Variants in SETD3 observed in about 807,000 individuals in gnomAD.
SETD3 encodes the protein actin-histidine N-methyltransferase.
In SETD3, 19 loss-of-function variants were observed where a neutral mutation model predicts 63.0. That is an observed-to-expected ratio of 0.30 (90% confidence interval 0.21 to 0.44). The LOEUF is 0.44. Ranked by LOEUF, SETD3 falls within the 20% of genes least tolerant of loss-of-function variation. SETD3 has a pLI of 1.00. For missense variants in SETD3, 587 were observed against 728.5 expected (o/e 0.81, Z 2.24); for synonymous variants, 286 against 264.1 (o/e 1.08, Z -0.80).
In SETD3 at chr14:99,480,808, TGGCGGCGGTGGC is replaced by T. The variant is rs1469712405; in HGVS notation, c.-101_-90del. On this transcript the variant is annotated 5_prime_UTR_variant, in exon 1 of 13. Coordinates refer to ENST00000331768, the MANE Select transcript of SETD3 (RefSeq NM_032233.3). ...TCCGCCTCAACCAACCCCCAGGCGG[TGGCGGCGGTGGC>T]GGCGGCGGCGGCCGGACGGGAGGGG... 3 of 161,754 alleles carry T rather than the reference TGGCGGCGGTGGC, an allele frequency of 1.9e-5. No individual in the cohort carries two copies. Among genetic ancestry groups the T allele is most frequent in the African/African-American group, 4.8e-5 (2 of 41,292 alleles). 10.0% of individuals were successfully genotyped at this position (161,754 alleles called of 1,614,324 possible).
chr14:99,441,931 T>TG (rs776785760), intron 6 of SETD3, among the ~76,000 whole-genome samples: 16 of 152,194 alleles, frequency 1.1e-4, no homozygotes, highest in Non-Finnish European at 1.8e-4. Context: ...GACTGGGTGA[T>TG]GGAGTCGTGG....
Position 99,405,369 on chromosome 14 carries a change from A to T in SETD3, c.927T>A (p.Ile309=). Residue 309 remains isoleucine, a splice_region_variant and synonymous_variant, in exon 10 of 13, where the codon ATT becomes ATA. Coordinates refer to ENST00000331768, the MANE Select transcript of SETD3 (RefSeq NM_032233.3). The part of the protein sequence containing the change: ...ALQDFRAGEQ[I]YIFYGTRSNA... ...TGGATCGAGTGCCATAAAAAATGTA[A>T]ATCTGAGATGCAGTAAAGAAAAAAG... The T allele has an allele frequency of 6.2e-7, 1 of 1,610,478 alleles. No homozygotes were observed. Among genetic ancestry groups the T allele is most frequent in the South Asian group, 1.1e-5 (1 of 90,230 alleles).
At chr14:99,481,595 C>T (rs971557249), upstream of SETD3, 50 of 395,670 alleles carry the variant, frequency 1.3e-4, no homozygotes, top group African/African-American at 8.2e-4. Flanking sequence ...CCGGATTCTG[C>T]CTCCCTCCGC....
At position 99,398,555 on chromosome 14, in the gene SETD3, A is replaced by T. The variant is rs1024910579; in HGVS notation, c.*124T>A. 3 of 933,514 alleles carry T rather than the reference A, an allele frequency of 3.2e-6. No homozygotes were observed. In the Admixed American group the frequency reaches 7.6e-5, roughly 24 times the overall value. The allele number at this position is 933,514 out of a possible 1,614,324, so 57.8% of individuals were successfully genotyped here. On this transcript the variant is annotated 3_prime_UTR_variant, in exon 13 of 13. Coordinates refer to ENST00000331768, the MANE Select transcript of SETD3 (RefSeq NM_032233.3). ...TAACTTAAAAAAACCATTTTTATAT[A>T]AAGCAGCAAAAACATATCTTCCTCT...
upstream of SETD3, among the ~76,000 whole-genome samples, chr14:99,483,068 G>A (rs1472826906): frequency 1.3e-5 from 2 of 152,220 alleles, no homozygotes; most frequent in Non-Finnish European, 2.9e-5. Flanking sequence ...AATCCTAAAA[G>A]TACAGTTAAT....
intron 11 of SETD3, among the ~76,000 whole-genome samples, chr14:99,402,723 C>T (rs1362281432): frequency 3.3e-5 from 5 of 152,186 alleles, no homozygotes; most frequent in East Asian, 1.9e-4. Flanking sequence ...ACTAGAGGCA[C>T]GTGCTACCAC....
At chr14:99,407,241 T>C (rs1278724099) in intron 8 of SETD3, among the ~76,000 whole-genome samples, 1 of 152,176 alleles carries the variant, frequency 6.6e-6, no homozygotes, top group African/African-American at 2.4e-5. Flanking sequence ...GAAAATCCTC[T>C]CATTATACCC....
chr14:99,477,306 G>A (rs1335068604), intron 1 of SETD3, among the ~76,000 whole-genome samples: 1 of 152,040 alleles, frequency 6.6e-6, no homozygotes, highest in African/African-American at 2.4e-5. Flanking sequence ...TTTTTATCTC[G>A]TTTTTACAGT....
At chr14:99,401,350 G>C (rs548595239) in intron 11 of SETD3, among the ~76,000 whole-genome samples, 38 of 152,174 alleles carry the variant, frequency 2.5e-4, no homozygotes, top group Non-Finnish European at 4.9e-4. Context: ...TCCTATTCAT[G>C]CTGAAGAAAC....
At chr14:99,446,829 G>A (rs1269525875) in intron 6 of SETD3, among the ~76,000 whole-genome samples, 1 of 151,956 alleles carries the variant, frequency 6.6e-6, no homozygotes, top group Non-Finnish European at 1.5e-5. Context: ...GCAGATGCTG[G>A]GGTCTGACCT....
At chr14:99,407,271 A>T (rs1891732535) in intron 8 of SETD3, among the ~76,000 whole-genome samples, 1 of 152,042 alleles carries the variant, frequency 6.6e-6, no homozygotes, top group Non-Finnish European at 1.5e-5. Flanking sequence ...GTCTCCTTCT[A>T]AGCTCCCCCG....
chr14:99,420,947 C>CGGG (rs559807226), intron 6 of SETD3, among the ~76,000 whole-genome samples: 5 of 7,384 alleles, frequency 6.8e-4, no homozygotes, highest in Non-Finnish European at 2.0e-3. Context: ...CAGGCGAGGG[C>CGGG]GGGGGGGGGG....
In SETD3 at chr14:99,461,171, A is replaced by C. The variant is rs775757189; in HGVS notation, c.345+21T>G. On this transcript the variant is annotated intron_variant, in intron 4 of 12. Transcript: ENST00000331768. The stretch of plus-strand genomic sequence containing the variant: ...AGTTCAAACACATAGACCCCTTGAG[A>C]CCAACATTTTATAAACTCACCTTGA... The C allele has an allele frequency of 5.6e-6, 9 of 1,613,274 alleles. No homozygotes were observed. The South Asian group carries it at 9.9e-5, about 18-fold the overall frequency.
intron 6 of SETD3, among the ~76,000 whole-genome samples, chr14:99,440,666 A>G (rs1419120838): frequency 6.6e-6 from 1 of 151,970 alleles, no homozygotes; most frequent in African/African-American, 2.4e-5. Flanking sequence ...GAAAGAGGGC[A>G]TAGGGTGCAC....
intron 6 of SETD3, among the ~76,000 whole-genome samples, chr14:99,447,075 G>A (rs886612820): frequency 3.3e-5 from 5 of 151,816 alleles, no homozygotes; most frequent in Non-Finnish European, 5.9e-5. Context: ...GGGTTCAAGC[G>A]ATTCTCATGC....
intron 7 of SETD3, 97 bp from the exon 8 acceptor site, chr14:99,413,162 A>C: frequency 1.5e-6 from 1 of 669,398 alleles, no homozygotes; most frequent in South Asian, 1.9e-5. Flanking sequence ...ATCTCTTACA[A>C]ACGTACAAAG....
chr14:99,432,422 G>GA (rs569398518), intron 6 of SETD3, among the ~76,000 whole-genome samples: 37 of 152,146 alleles, frequency 2.4e-4, no homozygotes, highest in African/African-American at 7.9e-4. Context: ...ATCAAAGCAG[G>GA]AAAAAAATCT....
chr14:99,432,231 G>A (rs1000797536), intron 6 of SETD3, among the ~76,000 whole-genome samples: 1 of 152,174 alleles, frequency 6.6e-6, no homozygotes, highest in Non-Finnish European at 1.5e-5. Context: ...ACGGCACTGA[G>A]TGCAAAGAAC....
At chr14:99,438,202 C>G (rs1024218248) in intron 6 of SETD3, among the ~76,000 whole-genome samples, 2 of 152,206 alleles carry the variant, frequency 1.3e-5, no homozygotes, top group African/African-American at 4.8e-5. Flanking sequence ...GACAGCTTTT[C>G]GTTCAGACAT....
Sources: allele counts gnomAD v4.1 joint callset (sites outside exome capture counted in the v4.1 genomes callset), GRCh38; gene constraint gnomAD v4.1.1; transcripts MANE v1.5; gene names NCBI Gene and HGNC (gene_info 2026-07-23, HGNC 2026-07-21).